Variants in KIAA1671 observed in about 807,000 individuals in gnomAD.
KIAA1671 encodes uncharacterized protein KIAA1671.
A neutral mutation model predicts 131.2 loss-of-function variants in KIAA1671; 52 were observed. The observed-to-expected ratio is 0.40, with a 90% CI of 0.32 to 0.50. The LOEUF (loss-of-function observed/expected upper bound fraction) is 0.50, where lower values mean the gene tolerates loss of function less well. KIAA1671 is among the 20% of genes least tolerant of loss of function. KIAA1671 has a pLI of 0.73. For missense variants in KIAA1671, 2,360 were observed against 2,364.2 expected (o/e 1.00, Z 0.04); for synonymous variants, 1,003 against 961.6 (o/e 1.04, Z -0.80).
chr22:25,003,761 T>C (rs1209538791), intron 1 of KIAA1671, among the ~76,000 whole-genome samples: 1 of 151,880 alleles, frequency 6.6e-6, no homozygotes, highest in Non-Finnish European at 1.5e-5. Context: ...TCTCTAATAC[T>C]TTCTCTCAGT....
intron 11 of KIAA1671, among the ~76,000 whole-genome samples, chr22:25,188,452 G>GGC (rs1934552236): frequency 1.9e-5 from 1 of 52,242 alleles, no homozygotes; most frequent in African/African-American, 1.3e-4. Flanking sequence ...AATCGGGTGT[G>GGC]TGTGTGTGTG....
At chr22:25,030,183 G>A (rs1329177166) in intron 3 of KIAA1671, among the ~76,000 whole-genome samples, 1 of 152,182 alleles carries the variant, frequency 6.6e-6, no homozygotes, top group East Asian at 1.9e-4. Context: ...AAGTCAGCTG[G>A]TTAATACCGA....
intron 6 of KIAA1671, among the ~76,000 whole-genome samples, chr22:25,092,290 C>T (rs1930061800): frequency 6.6e-6 from 1 of 152,108 alleles, no homozygotes; most frequent in African/African-American, 2.4e-5. Flanking sequence ...GCCAGCCACG[C>T]AGGGATGTGG....
chr22:25,006,123 C>A (rs1315510697), intron 1 of KIAA1671, among the ~76,000 whole-genome samples: 3 of 152,182 alleles, frequency 2.0e-5, no homozygotes, highest in Non-Finnish European at 4.4e-5. Flanking sequence ...CCTCCATCTC[C>A]TAGGTTCAAG....
chr22:25,022,813 A>G (rs1217413814), intron 1 of KIAA1671: 1 of 152,358 alleles, frequency 6.6e-6, no homozygotes, highest in Non-Finnish European at 1.5e-5. Context: ...TTACATACAT[A>G]TGAAACTAGA....
In KIAA1671 at chr22:25,193,100, A is replaced by T. The variant is rs1934721318; in HGVS notation, c.*699A>T. 2.6e-5 allele frequency: 4 copies of T among 152,260 alleles called. No individual in the cohort carries two copies. In the South Asian group the frequency reaches 8.3e-4, roughly 32 times the overall value. 9.4% of individuals were successfully genotyped at this position (152,260 alleles called of 1,614,324 possible). A position where few individuals can be genotyped will look rare whatever the true frequency, so the allele number is the denominator to read the frequency against. On this transcript the variant is annotated 3_prime_UTR_variant, in exon 13 of 13. Transcript: ENST00000358431. ...AAGGCGATAAAGCAATAATTCAGCT[A>T]ATTTTCTTTGAAACTTGATAGGTAT...
At chr22:24,959,813 T>C (rs974015651) in intron 1 of KIAA1671, among the ~76,000 whole-genome samples, 2 of 152,122 alleles carry the variant, frequency 1.3e-5, no homozygotes, top group Non-Finnish European at 2.9e-5. Context: ...AAGTGACCTT[T>C]GAAATGTTCT....
chr22:25,028,886 C>T lies in KIAA1671; in HGVS notation c.887C>T (p.Ala296Val). 6.4e-7 allele frequency: 1 copy of T among 1,551,438 alleles called. No individual in the cohort carries two copies. The highest frequency in any genetic ancestry group is 8.7e-7 in the Non-Finnish European group (1 of 1,146,958). ...DLTARFENKE[A>V]LLRKVADEGS... ...ACGGCCCGGTTTGAGAACAAAGAGGCCTTGCTGAGGAAGGTGGCCGATGAA... is the reference window on the plus strand; with the variant it reads ...ACGGCCCGGTTTGAGAACAAAGAGGTCTTGCTGAGGAAGGTGGCCGATGAA... Residue 296 changes from alanine to valine, a missense_variant, in exon 3 of 13, where the codon GCC becomes GTC. Transcript: ENST00000358431.
intron 1 of KIAA1671, among the ~76,000 whole-genome samples, chr22:24,981,644 C>G (rs1231284387): frequency 1.3e-5 from 2 of 152,224 alleles, no homozygotes; most frequent in Non-Finnish European, 2.9e-5. Flanking sequence ...GTGCCTGGCT[C>G]ATGCCTGTAA....
At chr22:25,068,039 G>T (rs753218168) in intron 6 of KIAA1671, among the ~76,000 whole-genome samples, 27 of 152,260 alleles carry the variant, frequency 1.8e-4, no homozygotes, top group Non-Finnish European at 3.1e-4. Context: ...CACTTTTGTC[G>T]GTCAGCAGGA....
At chr22:24,983,386 G>C (rs886455686) in intron 1 of KIAA1671, among the ~76,000 whole-genome samples, 24 of 152,220 alleles carry the variant, frequency 1.6e-4, no homozygotes, top group African/African-American at 5.3e-4. Context: ...CTGTATGTCT[G>C]TGTGTTCTTT....
At chr22:25,187,787 C>T (rs7292448) in intron 11 of KIAA1671, among the ~76,000 whole-genome samples, 20,832 of 152,126 alleles carry the variant, frequency 0.14, 1,593 homozygotes, top group Non-Finnish European at 0.18. Flanking sequence ...CATGAGCTAC[C>T]GTGCCTGGCC....
chr22:25,041,103 G>A lies in KIAA1671; in HGVS notation c.3973G>A (p.Ala1325Thr). ...GGATCCCAGGAAAAAAACGGGGTTTGCTGAGGATGACAGAAAGGCCTTTGC... is the reference window on the plus strand; with the variant it reads ...GGATCCCAGGAAAAAAACGGGGTTTACTGAGGATGACAGAAAGGCCTTTGC... The part of the protein sequence containing the change: ...PADPRKKTGF[A>T]EDDRKAFASK... Residue 1325 changes from alanine (A) to threonine (T), a missense_variant, in exon 5 of 13, where the codon GCT becomes ACT. By Grantham distance (58) the Ala-to-Thr change is moderately conservative. Coordinates refer to ENST00000358431, the MANE Select transcript of KIAA1671 (RefSeq NM_001145206.2). The A allele has an allele frequency of 1.9e-6, 3 of 1,546,412 alleles. No homozygotes were observed. Among genetic ancestry groups the A allele is most frequent in the South Asian group, 2.4e-5 (2 of 83,498 alleles).
Position 25,177,798 on chromosome 22 carries a change from C to T in KIAA1671, c.5074+276C>T, listed in dbSNP as rs143666287. Among the ~76,000 whole-genome samples the T allele has an allele frequency of 3.4e-3, 513 of 152,244 alleles. 4 individuals are homozygous for T. The highest frequency in any genetic ancestry group is 0.011 in the African/African-American group (474 of 41,552). On this transcript the variant is annotated intron_variant, in intron 9 of 12. Transcript: ENST00000358431. ...CCACCATGAGTAATATCCCAGCCCT[C>T]GGTTCTGCTTCCCTTTCTGAGTCCC...
At chr22:25,072,406 T>C (rs915162140) in intron 6 of KIAA1671, among the ~76,000 whole-genome samples, 2 of 152,008 alleles carry the variant, frequency 1.3e-5, no homozygotes, top group Non-Finnish European at 2.9e-5. Context: ...ATGAGAGAGA[T>C]TTTCATTTGT....
chr22:25,070,388 GC>G (rs1472523955), intron 6 of KIAA1671: 1 of 515,098 alleles, frequency 1.9e-6, no homozygotes, highest in Non-Finnish European at 3.6e-6. Flanking sequence ...TACTGCCCCA[GC>G]CTGCTGAAGC....
At chr22:24,981,679 C>A (rs1923241854) in intron 1 of KIAA1671, among the ~76,000 whole-genome samples, 1 of 152,110 alleles carries the variant, frequency 6.6e-6, no homozygotes, top group Non-Finnish European at 1.5e-5. Context: ...GAGGCCAAGG[C>A]GGGAAGATTG....
intron 1 of KIAA1671, among the ~76,000 whole-genome samples, chr22:24,979,680 C>T (rs1287165964): frequency 2.6e-5 from 4 of 152,110 alleles, no homozygotes; most frequent in Non-Finnish European, 5.9e-5. Flanking sequence ...CGTTTGGTGG[C>T]ATAAGTACAT....
intron 6 of KIAA1671, among the ~76,000 whole-genome samples, chr22:25,113,577 T>G (rs1030971675): frequency 1.3e-5 from 2 of 152,190 alleles, no homozygotes; most frequent in African/African-American, 4.8e-5. Context: ...CCCTGCCAGG[T>G]GCAGGGGCTC....
Sources: allele counts gnomAD v4.1 joint callset (sites outside exome capture counted in the v4.1 genomes callset), GRCh38; gene constraint gnomAD v4.1.1; transcripts MANE v1.5; gene names NCBI Gene and HGNC (gene_info 2026-07-23, HGNC 2026-07-21).